Variants in CYP7B1 observed in about 807,000 individuals in gnomAD.
CYP7B1 encodes the protein cytochrome P450 family 7 subfamily B member 1.
In CYP7B1, 29 loss-of-function variants were observed where a neutral mutation model predicts 42.7. The observed-to-expected ratio is 0.68, with a 90% confidence interval of 0.51 to 0.93. The LOEUF (loss-of-function observed/expected upper bound fraction) is 0.93. Ranked by LOEUF, CYP7B1 falls within the 40% of genes least tolerant of loss-of-function variation. The pLI is 0.00. For synonymous variants in CYP7B1, 235 were observed against 218.2 expected (o/e 1.08, Z -0.68); for missense variants, 655 against 600.5 (o/e 1.09, Z -0.95).
chr8:64,625,008 C>T (rs932875943), intron 1 of CYP7B1, among the ~76,000 whole-genome samples: 22 of 107,976 alleles, frequency 2.0e-4, no homozygotes, highest in Admixed American at 1.7e-3. Flanking sequence ...GAGTCTCGCT[C>T]TGTCACCCAG....
chr8:64,630,315 G>A (rs994091884), intron 1 of CYP7B1, among the ~76,000 whole-genome samples: 3 of 152,198 alleles, frequency 2.0e-5, no homozygotes, highest in South Asian at 2.1e-4. Context: ...AAGAAATAAA[G>A]TTACATTTCT....
intron 1 of CYP7B1, among the ~76,000 whole-genome samples, chr8:64,784,237 T>C (rs778398057): frequency 9.2e-5 from 14 of 152,154 alleles, no homozygotes; most frequent in Non-Finnish European, 1.3e-4. Flanking sequence ...TGCAGCTAAG[T>C]AGAGACAGCA....
chr8:64,752,693 C>T (rs78810197), intron 1 of CYP7B1, among the ~76,000 whole-genome samples: 2,631 of 152,232 alleles, frequency 0.017, 28 homozygotes, highest in Middle Eastern at 0.027. Context: ...TCCTTTTCTA[C>T]ATATGTAAGT....
chr8:64,591,744 C>T lies in CYP7B1; in HGVS notation c.*4898G>A, dbSNP rs1229502766. On this transcript the variant is annotated 3_prime_UTR_variant, in exon 6 of 6. Transcript: ENST00000310193. ...TTCTTCTAGGTTGCTTATAAGCATGCCTGATTTAGTGATAGGTAGCTTTTT... is the reference window on the plus strand; with the variant it reads ...TTCTTCTAGGTTGCTTATAAGCATGTCTGATTTAGTGATAGGTAGCTTTTT... 1.3e-5 allele frequency among the ~76,000 whole-genome samples: 2 copies of T among 152,092 alleles called. No homozygotes were observed. The highest frequency in any genetic ancestry group is 4.8e-5 in the African/African-American group (2 of 41,398).
intron 1 of CYP7B1, among the ~76,000 whole-genome samples, chr8:64,736,210 C>A (rs1356655742): frequency 6.6e-6 from 1 of 152,078 alleles, no homozygotes; most frequent in Admixed American, 6.5e-5. Context: ...AGAAAAACAC[C>A]CATATAAATC....
intron 1 of CYP7B1, among the ~76,000 whole-genome samples, chr8:64,716,774 T>G (rs895447333): frequency 6.6e-6 from 1 of 152,238 alleles, no homozygotes; most frequent in Non-Finnish European, 1.5e-5. Flanking sequence ...CTTTGTTTTA[T>G]GAACCAGTGT....
intron 1 of CYP7B1, among the ~76,000 whole-genome samples, chr8:64,746,925 T>G (rs1807651901): frequency 6.6e-6 from 1 of 151,818 alleles, no homozygotes; most frequent in Non-Finnish European, 1.5e-5. Flanking sequence ...ATACCCTCAC[T>G]TTATAGAATA....
At chr8:64,745,893 T>C (rs1490465304) in intron 1 of CYP7B1, among the ~76,000 whole-genome samples, 1 of 152,218 alleles carries the variant, frequency 6.6e-6, no homozygotes, top group African/African-American at 2.4e-5. Context: ...ATCTAAAGCG[T>C]CCCTTTGCAA....
chr8:64,623,290 T>C (rs1805558342), intron 2 of CYP7B1, among the ~76,000 whole-genome samples: 1 of 152,182 alleles, frequency 6.6e-6, no homozygotes, highest in Non-Finnish European at 1.5e-5. Context: ...GGTTTTGCAA[T>C]ATCTGAGCCT....
At chr8:64,586,962 G>C (rs986011101), downstream of CYP7B1, among the ~76,000 whole-genome samples, 16 of 152,244 alleles carry the variant, frequency 1.1e-4, no homozygotes, top group Non-Finnish European at 2.9e-5. Context: ...AAAACAAGGA[G>C]TCAGTAACTT....
At chr8:64,664,818 T>C (rs1247595947) in intron 1 of CYP7B1, among the ~76,000 whole-genome samples, 2 of 152,192 alleles carry the variant, frequency 1.3e-5, no homozygotes, top group African/African-American at 4.8e-5. Flanking sequence ...CTAAGGGTAC[T>C]GAAGCATGAG....
At chr8:64,664,979 A>G (rs959457072) in intron 1 of CYP7B1, among the ~76,000 whole-genome samples, 5 of 152,224 alleles carry the variant, frequency 3.3e-5, no homozygotes, top group Admixed American at 3.3e-4. Flanking sequence ...ATCATAAAAA[A>G]AAGCACTCAG....
intron 1 of CYP7B1, among the ~76,000 whole-genome samples, chr8:64,680,221 T>G (rs1237369061): frequency 6.6e-6 from 1 of 152,188 alleles, no homozygotes; most frequent in Non-Finnish European, 1.5e-5. Context: ...TTAAACTTCT[T>G]TCATCGCACC....
intron 1 of CYP7B1, among the ~76,000 whole-genome samples, chr8:64,648,274 C>T (rs1038458354): frequency 2.6e-5 from 4 of 152,056 alleles, no homozygotes; most frequent in African/African-American, 7.2e-5. Context: ...TTCATTATTC[C>T]TTGTCATAAT....
intron 1 of CYP7B1, among the ~76,000 whole-genome samples, chr8:64,754,401 T>A (rs1231641486): frequency 1.3e-5 from 2 of 152,210 alleles, no homozygotes; most frequent in Non-Finnish European, 2.9e-5. Context: ...GGCTTGGGAA[T>A]GTTTTATCAT....
intron 1 of CYP7B1, among the ~76,000 whole-genome samples, chr8:64,650,527 A>G (rs1266401146): frequency 6.6e-6 from 1 of 152,150 alleles, no homozygotes; most frequent in Non-Finnish European, 1.5e-5. Flanking sequence ...ATGCACCTGT[A>G]GTCCCAGCTA....
chr8:64,675,456 ATTAATT>A (rs1563386299), intron 1 of CYP7B1, among the ~76,000 whole-genome samples: 1 of 150,666 alleles, frequency 6.6e-6, no homozygotes, highest in Non-Finnish European at 1.5e-5. Context: ...TTTATTATTT[ATTAATT>A]TTATTTTTTA....
intron 1 of CYP7B1, among the ~76,000 whole-genome samples, chr8:64,760,916 A>G (rs1202933653): frequency 6.6e-6 from 1 of 152,200 alleles, no homozygotes; most frequent in African/African-American, 2.4e-5. Flanking sequence ...TCATTGTAGC[A>G]TTATTCACAA....
chr8:64,666,324 C>T (rs1018741480), intron 1 of CYP7B1, among the ~76,000 whole-genome samples: 6 of 152,022 alleles, frequency 3.9e-5, no homozygotes, highest in African/African-American at 1.5e-4. Context: ...AGAAGTGATT[C>T]AGACAAAATT....
Sources: gnomAD v4.1 joint callset for allele counts (sites outside exome capture counted in the v4.1 genomes callset) on GRCh38, gnomAD v4.1.1 for gene constraint, MANE v1.5 for transcripts, NCBI Gene and HGNC (gene_info 2026-07-23, HGNC 2026-07-21) for gene names.